The following GRM3 variants were observed in gnomAD, a reference collection of about 807,000 sequenced individuals.
GRM3 encodes metabotropic glutamate receptor 3.
Under a neutral mutation model 70.5 loss-of-function variants are expected in GRM3, and 26 were observed. The observed-to-expected ratio is 0.37, with a 90% CI of 0.27 to 0.51. The LOEUF (loss-of-function observed/expected upper bound fraction) is 0.51, where lower values mean the gene tolerates loss of function less well. GRM3 is among the 20% of genes least tolerant of loss of function. The pLI, the probability that GRM3 is intolerant of heterozygous loss-of-function variation, is 0.93. For synonymous variants in GRM3, 443 were observed against 434.9 expected, an observed-to-expected ratio of 1.02 and a Z score of -0.23; for missense variants, 859 against 1,123.8, an observed-to-expected ratio of 0.76 and a Z score of 3.37.
At chr7:86,718,996 G>A (rs367695839) in intron 1 of GRM3, among the ~76,000 whole-genome samples, 3 of 151,892 alleles carry the variant, frequency 2.0e-5, no homozygotes, top group Admixed American at 6.6e-5. Context: ...GAAAGAAAAC[G>A]ACTTTAATAT....
At chr7:86,741,851 G>C (rs13238420) in intron 1 of GRM3, among the ~76,000 whole-genome samples, 15,224 of 152,190 alleles carry the variant, frequency 0.1, 897 homozygotes, top group Middle Eastern at 0.16. Context: ...TTTACATAAA[G>C]AGCAGAGAAT....
intron 3 of GRM3, among the ~76,000 whole-genome samples, chr7:86,821,181 T>A (rs1584263956): frequency 6.6e-6 from 1 of 151,922 alleles, no homozygotes; most frequent in Admixed American, 6.6e-5. Context: ...GGGTTTTTTT[T>A]AACTAGAAAG....
At chr7:86,812,770 G>A (rs535949175) in intron 3 of GRM3, among the ~76,000 whole-genome samples, 3 of 151,716 alleles carry the variant, frequency 2.0e-5, no homozygotes, top group Admixed American at 6.6e-5. Context: ...ACCACTTTAT[G>A]TTTTTAGTGG....
Position 86,786,691 on chromosome 7 carries a change from G to A in GRM3, c.899G>A (p.Ser300Asn), listed in dbSNP as rs1474460395. 1 of 1,612,258 alleles carries A rather than the reference G, an allele frequency of 6.2e-7. No homozygotes were observed. The highest frequency in any genetic ancestry group is 1.3e-5 in the African/African-American group (1 of 75,076). ...AATGCCTCCTTCACCTGGGTGGCCA[G>A]CGACGGCTGGGGCGCGCAGGAGAGC... ...RANASFTWVA[S>N]DGWGAQESII... is the part of the protein sequence containing the mutation. The change falls in exon 3 of 6, where the codon AGC becomes AAC. Residue 300 changes from serine to asparagine, a missense_variant. Transcript: ENST00000361669. The surrounding 1 kb of genome is among the most constrained non-coding windows in gnomAD (Gnocchi z 6.0).
At chr7:86,787,383 G>A (rs1225563050) in intron 3 of GRM3, among the ~76,000 whole-genome samples, 1 of 152,194 alleles carries the variant, frequency 6.6e-6, no homozygotes, top group African/African-American at 2.4e-5. Context: ...CCTAGATTAG[G>A]GCCAGGCTAG....
At chr7:86,861,257 T>G (rs543247283) in intron 5 of GRM3, among the ~76,000 whole-genome samples, 10 of 152,314 alleles carry the variant, frequency 6.6e-5, no homozygotes, top group African/African-American at 2.4e-4. Flanking sequence ...ATTTCCTTCT[T>G]GAAACTTCCA....
intron 5 of GRM3, among the ~76,000 whole-genome samples, chr7:86,860,357 A>T (rs1308229331): frequency 6.6e-6 from 1 of 152,206 alleles, no homozygotes; most frequent in Non-Finnish European, 1.5e-5. Context: ...TTGAGATAAT[A>T]AGCTCATAAA....
chr7:86,722,919 G>A (rs1400220696), intron 1 of GRM3, among the ~76,000 whole-genome samples: 2 of 151,964 alleles, frequency 1.3e-5, no homozygotes, highest in Non-Finnish European at 2.9e-5. Flanking sequence ...ACTAATTAGA[G>A]GGCTGGAATT....
At chr7:86,792,708 AT>A (rs1457775602) in intron 3 of GRM3, among the ~76,000 whole-genome samples, 1 of 152,220 alleles carries the variant, frequency 6.6e-6, no homozygotes, top group African/African-American at 2.4e-5. Flanking sequence ...TTACACAGAC[AT>A]TTAACCACCA....
intron 1 of GRM3, among the ~76,000 whole-genome samples, chr7:86,752,956 T>C (rs1796264399): frequency 6.6e-6 from 1 of 152,048 alleles, no homozygotes; most frequent in Non-Finnish European, 1.5e-5. Context: ...ACATGTGTCC[T>C]TTTGAGGAGA....
chr7:86,796,516 T>A (rs1054460832), intron 3 of GRM3, among the ~76,000 whole-genome samples: 2 of 152,176 alleles, frequency 1.3e-5, no homozygotes, highest in Non-Finnish European at 2.9e-5. Flanking sequence ...ACCTTTGTTT[T>A]TTTTGCTTAG....
Position 86,864,495 on chromosome 7 carries a change from A to C in GRM3, c.*140A>C. On this transcript the variant is annotated 3_prime_UTR_variant, in exon 6 of 6. Transcript: ENST00000361669. Reference sequence around the variant, plus strand: ...ACAGTACGATAAATTATTTTTGAGGACTGTATATAGTGATGTGCTAGAACT... The same window carrying C: ...ACAGTACGATAAATTATTTTTGAGGCCTGTATATAGTGATGTGCTAGAACT... 1 of 696,210 alleles carries C rather than the reference A, an allele frequency of 1.4e-6. No homozygotes were observed. Among genetic ancestry groups the C allele is most frequent in the Non-Finnish European group, 2.6e-6 (1 of 377,906 alleles). The allele number at this position is 696,210 out of a possible 1,614,324, so 43.1% of individuals were successfully genotyped here. A position where few individuals can be genotyped will look rare whatever the true frequency, so the allele number is the denominator to read the frequency against.
chr7:86,666,211 G>T (rs1249893253), intron 1 of GRM3, among the ~76,000 whole-genome samples: 8 of 151,946 alleles, frequency 5.3e-5, no homozygotes, highest in Non-Finnish European at 1.2e-4. Context: ...TTTATAGAGG[G>T]AAACAATGTT....
At chr7:86,682,249 T>C (rs899207585) in intron 1 of GRM3, among the ~76,000 whole-genome samples, 3 of 152,184 alleles carry the variant, frequency 2.0e-5, no homozygotes, top group Non-Finnish European at 4.4e-5. Flanking sequence ...GTATGTAAAA[T>C]AAAAATGTCA....
chr7:86,793,782 G>C (rs780343827), intron 3 of GRM3, among the ~76,000 whole-genome samples: 3 of 152,026 alleles, frequency 2.0e-5, no homozygotes, highest in Non-Finnish European at 4.4e-5. Flanking sequence ...TGCTGCTGCT[G>C]CTGCTGCTTG....
chr7:86,817,665 C>T (rs967276886), intron 3 of GRM3, among the ~76,000 whole-genome samples: 6 of 151,924 alleles, frequency 3.9e-5, no homozygotes, highest in African/African-American at 1.4e-4. Flanking sequence ...CAAGTCTCAG[C>T]TGTCATCTGG....
At chr7:86,742,626 G>C (rs1796014899) in intron 1 of GRM3, among the ~76,000 whole-genome samples, 1 of 152,112 alleles carries the variant, frequency 6.6e-6, no homozygotes, top group African/African-American at 2.4e-5. Context: ...AAAGGAACCT[G>C]AAAGTCGGGT....
chr7:86,755,333 T>C (rs562719282), intron 1 of GRM3, among the ~76,000 whole-genome samples: 1 of 152,252 alleles, frequency 6.6e-6, no homozygotes, highest in African/African-American at 2.4e-5. Context: ...TCAATTCAGG[T>C]ATGACATTCA....
At chr7:86,661,902 T>A (rs1230174579) in intron 1 of GRM3, among the ~76,000 whole-genome samples, 1 of 151,860 alleles carries the variant, frequency 6.6e-6, no homozygotes, top group Non-Finnish European at 1.5e-5. Context: ...CACTTTACTT[T>A]CACAGTTTAA....
Sources: allele counts gnomAD v4.1 joint callset (sites outside exome capture counted in the v4.1 genomes callset), GRCh38; gene constraint gnomAD v4.1.1; non-coding constraint Gnocchi (gnomAD v3.1); transcripts MANE v1.5; gene names NCBI Gene and HGNC (gene_info 2026-07-23, HGNC 2026-07-21).